FBXO36: variants seen among roughly 807,000 people sequenced by gnomAD.
FBXO36 encodes the protein F-box only protein 36.
In FBXO36, 18 loss-of-function variants were observed where a neutral mutation model predicts 17.0. That is an observed-to-expected ratio of 1.06 (90% CI 0.73 to 1.57). The LOEUF (loss-of-function observed/expected upper bound fraction) is 1.57, where lower values mean the gene tolerates loss of function less well. Ranked by LOEUF, FBXO36 falls within the 40% of genes most tolerant of loss-of-function variation. FBXO36 has a pLI of 0.00. For missense variants in FBXO36, 229 were observed against 221.9 expected, an observed-to-expected ratio of 1.03 and a Z score of -0.20; for synonymous variants, 83 against 85.3, an observed-to-expected ratio of 0.97 and a Z score of 0.15.
intron 1 of FBXO36, among the ~76,000 whole-genome samples, chr2:229,949,869 G>A (rs2077048248): frequency 6.6e-6 from 1 of 152,212 alleles, no homozygotes. Flanking sequence ...AGCTTGCAGT[G>A]AGCCGAGATC....
At chr2:229,953,058 C>A (rs1421849065) in intron 1 of FBXO36, among the ~76,000 whole-genome samples, 1 of 152,172 alleles carries the variant, frequency 6.6e-6, no homozygotes, top group South Asian at 2.1e-4. Flanking sequence ...AAGAAAACGG[C>A]CGGGTGCGGT....
In FBXO36 at chr2:230,009,431, A is replaced by G. The variant is rs147066123; in HGVS notation, c.379-1265A>G. Among the ~76,000 whole-genome samples the G allele has an allele frequency of 1.2e-3, 180 of 152,348 alleles. 1 individual carries two copies. Among genetic ancestry groups the G allele is most frequent in the African/African-American group, 4.2e-3 (173 of 41,592 alleles). On this transcript the variant is annotated intron_variant, in intron 3 of 3. Transcript: ENST00000283946. ...GATAACAGCCTTCAGCAGCATCCAC[A>G]CTGCTGCAAGGACATGGTTTCATTC...
chr2:229,944,592 C>CTTTTT (rs58905595), intron 1 of FBXO36, among the ~76,000 whole-genome samples: 5 of 88,366 alleles, frequency 5.7e-5, no homozygotes, highest in Non-Finnish European at 1.2e-4. Flanking sequence ...TTTTCTTTTT[C>CTTTTT]TTTTTTTTTT....
intron 1 of FBXO36, among the ~76,000 whole-genome samples, chr2:229,971,359 GAAA>G (rs1265894585): frequency 2.7e-4 from 24 of 88,346 alleles, no homozygotes; most frequent in African/African-American, 9.6e-4. Flanking sequence ...CATCTCAAAA[GAAA>G]AAAAAAAAAA....
intron 1 of FBXO36, among the ~76,000 whole-genome samples, chr2:229,966,119 C>A (rs1415682515): frequency 1.3e-5 from 2 of 152,230 alleles, no homozygotes; most frequent in Admixed American, 1.3e-4. Flanking sequence ...TTGTATTTCT[C>A]TGATGGCCAG....
intron 1 of FBXO36, chr2:229,932,774 A>G (rs1389884751): frequency 6.2e-6 from 1 of 161,982 alleles, no homozygotes; most frequent in Non-Finnish European, 1.4e-5. Flanking sequence ...CTTACAGAAA[A>G]ATTGAGTTTG....
intron 1 of FBXO36, among the ~76,000 whole-genome samples, chr2:229,968,656 T>C (rs2077165806): frequency 6.6e-6 from 1 of 152,126 alleles, no homozygotes; most frequent in East Asian, 1.9e-4. Flanking sequence ...TTTGTGGAGA[T>C]GGTATTTCGC....
At chr2:229,983,066 T>G (rs1359042943) in intron 2 of FBXO36, among the ~76,000 whole-genome samples, 1 of 151,792 alleles carries the variant, frequency 6.6e-6, no homozygotes, top group African/African-American at 2.4e-5. Flanking sequence ...CACTGCAGCC[T>G]CCATCTCCTG....
At chr2:229,971,280 A>G (rs1257416490) in intron 1 of FBXO36, among the ~76,000 whole-genome samples, 2 of 151,706 alleles carry the variant, frequency 1.3e-5, no homozygotes, top group African/African-American at 2.4e-5. Flanking sequence ...GCTTGAACCC[A>G]GGAGGTAGAG....
intron 1 of FBXO36, among the ~76,000 whole-genome samples, chr2:229,957,393 A>G (rs2077094196): frequency 1.3e-5 from 2 of 152,214 alleles, no homozygotes; most frequent in South Asian, 2.1e-4. Flanking sequence ...CCTGGCCAAC[A>G]TGATGAAACC....
intron 2 of FBXO36, 129 bp from the exon 3 acceptor site, chr2:229,996,622 A>G: frequency 1.0e-6 from 1 of 998,092 alleles, no homozygotes; most frequent in East Asian, 2.5e-5. Context: ...CGGTGAAAGT[A>G]GGAATGACTT....
At chr2:230,004,170 A>G (rs2077374500) in intron 3 of FBXO36, among the ~76,000 whole-genome samples, 1 of 151,952 alleles carries the variant, frequency 6.6e-6, no homozygotes. Context: ...TTCCAGGAAT[A>G]TTCTCCTCCT....
intron 1 of FBXO36, among the ~76,000 whole-genome samples, chr2:229,956,555 G>A (rs985888668): frequency 3.3e-5 from 5 of 152,118 alleles, no homozygotes; most frequent in African/African-American, 1.2e-4. Context: ...AGAAAGAATG[G>A]GCCAGAAGAA....
chr2:229,970,886 C>T (rs1214927021), intron 1 of FBXO36, among the ~76,000 whole-genome samples: 5 of 152,004 alleles, frequency 3.3e-5, no homozygotes, highest in South Asian at 2.1e-4. Context: ...TGCCTAATGA[C>T]GAATTAAAGA....
chr2:229,954,052 C>T (rs1199447670), intron 1 of FBXO36, among the ~76,000 whole-genome samples: 2 of 151,576 alleles, frequency 1.3e-5, no homozygotes, highest in African/African-American at 4.8e-5. Context: ...TTTGTAGAGA[C>T]GGGGTCTTGC....
chr2:229,924,535 A>T (rs2076894607), intron 1 of FBXO36, among the ~76,000 whole-genome samples: 2 of 152,158 alleles, frequency 1.3e-5, no homozygotes, highest in Admixed American at 6.5e-5. Flanking sequence ...GCCTTTAAAA[A>T]TTTGTCTTTT....
At chr2:230,002,509 G>A (rs2077365128) in intron 3 of FBXO36, among the ~76,000 whole-genome samples, 1 of 151,808 alleles carries the variant, frequency 6.6e-6, no homozygotes, top group African/African-American at 2.4e-5. Context: ...TCAGCCTCCT[G>A]GGTAGCTGGG....
chr2:229,989,594 C>A (rs2077288054), intron 2 of FBXO36, among the ~76,000 whole-genome samples: 1 of 151,570 alleles, frequency 6.6e-6, no homozygotes, highest in Non-Finnish European at 1.5e-5. Flanking sequence ...CAGAGTCTCG[C>A]TTTCTAGCCA....
chr2:230,011,598 C>CTTTTTTTTTTTTTTTTTTTTAT lies in FBXO36; in HGVS notation c.*731_*732insTTTATTTTTTTTTTTTTTTTTT, dbSNP rs5839351. 8.1e-6 allele frequency: 1 copy of CTTTTTTTTTTTTTTTTTTTTAT among 123,442 alleles called. No individual in the cohort carries two copies. The highest frequency in any genetic ancestry group is 1.6e-5 in the Non-Finnish European group (1 of 61,976). 7.6% of individuals were successfully genotyped at this position (123,442 alleles called of 1,614,324 possible). A position where few individuals can be genotyped will look rare whatever the true frequency, so the allele number is the denominator to read the frequency against. ...AACCTATAAACATTTCTTTTCTTTT[C>CTTTTTTTTTTTTTTTTTTTTAT]TTTTTTTTTTTTTTTTTGTATTTTC... On this transcript the variant is annotated 3_prime_UTR_variant, in exon 4 of 4. Coordinates refer to ENST00000283946, the MANE Select transcript of FBXO36 (RefSeq NM_174899.5).
Sources: allele counts gnomAD v4.1 joint callset (sites outside exome capture counted in the v4.1 genomes callset), GRCh38; gene constraint gnomAD v4.1.1; transcripts MANE v1.5; gene names NCBI Gene and HGNC (gene_info 2026-07-23, HGNC 2026-07-21).